The following INSYN2A variants were observed in gnomAD, a reference collection of about 807,000 sequenced individuals.
INSYN2A encodes family with sequence similarity 196 member A.
In INSYN2A, 17 loss-of-function variants were observed where a neutral mutation model predicts 39.4. The ratio of observed to expected loss-of-function variants is 0.43; its 90% CI spans 0.30 to 0.65. The LOEUF (loss-of-function observed/expected upper bound fraction) is 0.65, where lower values mean the gene tolerates loss of function less well. Among genes scored for constraint, INSYN2A ranks in the 30% least tolerant of loss-of-function variants. INSYN2A has a pLI of 0.14. For missense variants in INSYN2A, 595 were observed against 631.2 expected (o/e 0.94, Z 0.61); for synonymous variants, 255 against 265.7 (o/e 0.96, Z 0.39).
chr10:127,166,125 G>T (rs572903048), intron 4 of INSYN2A, among the ~76,000 whole-genome samples: 1 of 152,070 alleles, frequency 6.6e-6, no homozygotes, highest in African/African-American at 2.4e-5. Flanking sequence ...GAGTGCAGGG[G>T]CACAATCTCG....
At chr10:127,181,161 T>C (rs952458775) in intron 2 of INSYN2A, among the ~76,000 whole-genome samples, 1 of 152,196 alleles carries the variant, frequency 6.6e-6, no homozygotes. Flanking sequence ...GAATTTCAAG[T>C]GTGTATATGT....
At position 127,144,290 on chromosome 10, in the gene INSYN2A, A is replaced by G. The variant is rs10829483; in HGVS notation, c.1257-6270T>C. ...CTTTCTGTGGATTTTCTAGAATAAC[A>G]AAGTCCACCCTCCCCCCTGCCTCAT... On this transcript the variant is annotated intron_variant, in intron 5 of 5. Transcript: ENST00000522781. 6.6e-3 allele frequency among the ~76,000 whole-genome samples: 1,003 copies of G among 152,238 alleles called. 4 individuals are homozygous for G. Among genetic ancestry groups the G allele is most frequent in the Admixed American group, 0.012 (177 of 15,286 alleles).
intron 4 of INSYN2A, among the ~76,000 whole-genome samples, chr10:127,167,212 T>A (rs768016971): frequency 9.2e-5 from 14 of 152,228 alleles, no homozygotes; most frequent in Non-Finnish European, 1.9e-4. Flanking sequence ...AGAAAGAATA[T>A]GAAATGTGCT....
At chr10:127,168,467 G>A (rs543064445) in intron 4 of INSYN2A, among the ~76,000 whole-genome samples, 1 of 152,340 alleles carries the variant, frequency 6.6e-6, no homozygotes, top group African/African-American at 2.4e-5. Context: ...GCTTTTCTGT[G>A]ATGCATCTGG....
chr10:127,151,355 C>T (rs757496863), intron 5 of INSYN2A, among the ~76,000 whole-genome samples: 1 of 152,006 alleles, frequency 6.6e-6, no homozygotes, highest in African/African-American at 2.4e-5. Flanking sequence ...GGAGTCCAGC[C>T]GAAATATTAC....
chr10:127,175,338 G>C lies in INSYN2A; in HGVS notation c.1058C>G (p.Thr353Arg), dbSNP rs143671561. 4.3e-6 allele frequency: 7 copies of C among 1,614,106 alleles called. 1 individual carries two copies. The African/African-American group carries it at 5.3e-5, about 12-fold the overall frequency. The stretch of plus-strand genomic sequence containing the variant: ...TTGTGCTTTGAGGTCGACCACTTCC[G>C]TATGAGGCACGATTCGTTGGCATTC... ...GEECQRIVPH[T>R]EVVDLKAQLQ... The change falls in exon 4 of 6, where the codon ACG (threonine) becomes AGG (arginine). Residue 353 changes from threonine (T) to arginine (R), a missense_variant. Thr to Arg is a moderately conservative substitution (Grantham distance 71, BLOSUM62 -1). This residue lies in a region of INSYN2A where 117 missense variants were observed against 163.8 expected (regional missense o/e 0.71). Coordinates refer to ENST00000522781, the MANE Select transcript of INSYN2A (RefSeq NM_001039762.3). The surrounding 1 kb of genome is among the most constrained non-coding windows in gnomAD (Gnocchi z 6.3).
chr10:127,175,468 G>C lies in INSYN2A; in HGVS notation c.928C>G (p.Pro310Ala). 6.2e-7 allele frequency: 1 copy of C among 1,609,940 alleles called. No homozygotes were observed. The change falls in exon 4 of 6, where the codon CCG (proline) becomes GCG (alanine). Residue 310 changes from proline (P) to alanine (A), a missense_variant. Physicochemically the swap from Pro to Ala is conservative, Grantham distance 27. Coordinates refer to ENST00000522781, the MANE Select transcript of INSYN2A (RefSeq NM_001039762.3). The surrounding 1 kb of genome is among the most constrained non-coding windows in gnomAD (Gnocchi z 6.3). ...CATTCGGGGGACAGGCACTGCATCG[G>C]GGGTGAGCAGGCCAGGGCAGTTTCC... is the stretch of plus-strand genomic sequence containing the variant. ...PSETALACSP[P>A]MQCLSPECSE...
At chr10:127,189,213 T>G (rs1199128398) in intron 2 of INSYN2A, among the ~76,000 whole-genome samples, 1 of 152,232 alleles carries the variant, frequency 6.6e-6, no homozygotes, top group African/African-American at 2.4e-5. Context: ...ACTTATACTT[T>G]AAAGCTGCAT....
chr10:127,175,371 G>A lies in INSYN2A; in HGVS notation c.1025C>T (p.Ala342Val). Residue 342 changes from alanine to valine, a missense_variant, in exon 4 of 6, where the codon GCA becomes GTA. Coordinates refer to ENST00000522781, the MANE Select transcript of INSYN2A (RefSeq NM_001039762.3). The surrounding 1 kb of genome is among the most constrained non-coding windows in gnomAD (Gnocchi z 6.3). ...GNQPSPTAVA[A>V]GEECQRIVPH... ...CACGATTCGTTGGCATTCTTCACCT[G>A]CAGCAACCGCTGTGGGACTAGGCTG... The A allele has an allele frequency of 6.2e-7, 1 of 1,613,980 alleles. No homozygotes were observed. The highest frequency in any genetic ancestry group is 8.5e-7 in the Non-Finnish European group (1 of 1,180,026).
At chr10:127,169,128 A>G (rs1409881032) in intron 4 of INSYN2A, among the ~76,000 whole-genome samples, 1 of 152,160 alleles carries the variant, frequency 6.6e-6, no homozygotes, top group Non-Finnish European at 1.5e-5. Flanking sequence ...GGAGAATGAG[A>G]CCTTTTTCAT....
chr10:127,176,083 C>T lies in INSYN2A; in HGVS notation c.313G>A (p.Val105Met), dbSNP rs759326307. The part of the protein sequence containing the change: ...SIPNVTKSTG[V>M]QTSPDLKKCY... ...TTCTTAAGGTCGGGCGAGGTCTGCA[C>T]GCCTGTGCTCTTGGTGACGTTGGGG... Residue 105 changes from valine to methionine, a missense_variant, in exon 4 of 6, where the codon GTG becomes ATG. Physicochemically the swap from Val to Met is conservative, Grantham distance 21. Around this residue, in one of 2 missense-constraint regions of INSYN2A, gnomAD observed 478 missense variants for 467.4 expected, o/e 1.02. Coordinates refer to ENST00000522781, the MANE Select transcript of INSYN2A (RefSeq NM_001039762.3). This position sits in a 1 kb window ranked among gnomAD's most constrained non-coding sequence, Gnocchi z 4.4. 2.1e-5 allele frequency: 34 copies of T among 1,613,988 alleles called. 1 individual carries two copies. The Middle Eastern group carries it at 4.9e-4, about 23-fold the overall frequency.
At chr10:127,168,359 A>C (rs960298509) in intron 4 of INSYN2A, among the ~76,000 whole-genome samples, 2 of 152,274 alleles carry the variant, frequency 1.3e-5, no homozygotes, top group Non-Finnish European at 2.9e-5. Flanking sequence ...CCATTCAAAT[A>C]GGGAGTGCTA....
intron 1 of INSYN2A, among the ~76,000 whole-genome samples, chr10:127,195,530 C>G (rs542135435): frequency 1.1e-4 from 16 of 152,158 alleles, no homozygotes; most frequent in Admixed American, 5.2e-4. Context: ...TCATCCCCCC[C>G]CCGAAGTTAA....
rs569109080 is a variant in INSYN2A, at chr10:127,137,587, G to C, written c.*250C>G. The C allele has an allele frequency of 5.1e-6, 2 of 393,238 alleles. No individual in the cohort carries two copies. Among genetic ancestry groups the C allele is most frequent in the African/African-American group, 4.1e-5 (2 of 48,858 alleles). The allele number at this position is 393,238 out of a possible 1,614,324, so 24.4% of individuals were successfully genotyped here. ...ATTTTTACTTATCATCTTTGACTAC[G>C]TAAGTTTCATTTCAGATTTTACATC... On this transcript the variant is annotated 3_prime_UTR_variant, in exon 6 of 6. Coordinates refer to ENST00000522781, the MANE Select transcript of INSYN2A (RefSeq NM_001039762.3).
chr10:127,177,586 G>A (rs1364790402), intron 2 of INSYN2A, among the ~76,000 whole-genome samples: 3 of 152,190 alleles, frequency 2.0e-5, no homozygotes, highest in African/African-American at 7.2e-5. Context: ...GCCCAGAGAG[G>A]CAAGGTCATG....
chr10:127,143,897 G>A (rs755372031), intron 5 of INSYN2A, among the ~76,000 whole-genome samples: 24 of 152,118 alleles, frequency 1.6e-4, no homozygotes, highest in Admixed American at 5.9e-4. Context: ...TGGAAATCCA[G>A]CATGTCCAGA....
intron 2 of INSYN2A, among the ~76,000 whole-genome samples, chr10:127,182,134 T>C (rs1459507616): frequency 6.6e-6 from 1 of 152,066 alleles, no homozygotes; most frequent in Non-Finnish European, 1.5e-5. Flanking sequence ...TCCCTCGATG[T>C]GTAGAATATT....
chr10:127,179,007 A>G (rs977719175), intron 2 of INSYN2A, among the ~76,000 whole-genome samples: 3 of 152,178 alleles, frequency 2.0e-5, no homozygotes, highest in Non-Finnish European at 4.4e-5. Flanking sequence ...GTCAGAATGT[A>G]TTGTGCCATC....
intron 2 of INSYN2A, among the ~76,000 whole-genome samples, chr10:127,190,679 C>CCCCT (rs2056679233): frequency 1.6e-5 from 1 of 63,486 alleles, no homozygotes; most frequent in African/African-American, 7.3e-5. Context: ...CCCCCCCCCC[C>CCCCT]CCCCGTTCCT....
Sources: gnomAD v4.1 joint callset for allele counts (sites outside exome capture counted in the v4.1 genomes callset) on GRCh38, gnomAD v4.1.1 for gene constraint, gnomAD v4.1.1 regional missense constraint, Gnocchi (gnomAD v3.1) non-coding constraint, MANE v1.5 for transcripts, NCBI Gene and HGNC (gene_info 2026-07-23, HGNC 2026-07-21) for gene names.